CACUL1: variants seen among roughly 807,000 people sequenced by gnomAD.
CACUL1 encodes the protein CDK2-associated and cullin domain-containing protein 1.
Under a neutral mutation model 45.2 loss-of-function variants are expected in CACUL1, and 13 were observed. That is an observed-to-expected ratio of 0.29 (90% CI 0.19 to 0.46). The LOEUF is 0.46. CACUL1 is among the 20% of genes least tolerant of loss of function. The pLI is 1.00. For missense variants in CACUL1, 421 were observed against 471.4 expected, an observed-to-expected ratio of 0.89 and a Z score of 0.99; for synonymous variants, 197 against 174.2, an observed-to-expected ratio of 1.13 and a Z score of -1.03.
chr10:118,723,811 T>C (rs1845624572), intron 3 of CACUL1, among the ~76,000 whole-genome samples: 1 of 152,148 alleles, frequency 6.6e-6, no homozygotes, highest in Admixed American at 6.6e-5. Context: ...AATCTCGCTC[T>C]GTCGCTCAGG....
chr10:118,749,134 CT>C (rs1488225689), intron 1 of CACUL1, among the ~76,000 whole-genome samples: 1 of 152,120 alleles, frequency 6.6e-6, no homozygotes, highest in Non-Finnish European at 1.5e-5. Flanking sequence ...AATATAATTA[CT>C]GAAAAAAATG....
chr10:118,707,637 C>A, intron 3 of CACUL1, 50 bp from the exon 4 acceptor site: 3 of 807,930 alleles, frequency 3.7e-6, no homozygotes, highest in South Asian at 1.6e-5. Flanking sequence ...AGGGAAAGAC[C>A]TTCCACCATA....
chr10:118,728,757 G>C (rs543184698), intron 3 of CACUL1, among the ~76,000 whole-genome samples: 10 of 152,244 alleles, frequency 6.6e-5, no homozygotes, highest in African/African-American at 2.2e-4. Flanking sequence ...TTACTGAAGT[G>C]GGCAGGGGGA....
chr10:118,754,172 C>T (rs893235627), intron 1 of CACUL1, among the ~76,000 whole-genome samples: 3 of 151,992 alleles, frequency 2.0e-5, no homozygotes, highest in African/African-American at 7.3e-5. Flanking sequence ...CTCTCTAGGC[C>T]AGGTAATACA....
At chr10:118,718,730 C>T (rs918941654) in intron 3 of CACUL1, among the ~76,000 whole-genome samples, 1 of 152,132 alleles carries the variant, frequency 6.6e-6, no homozygotes, top group Non-Finnish European at 1.5e-5. Flanking sequence ...CCCGCCACCA[C>T]GCCCGGCTAA....
intron 1 of CACUL1, among the ~76,000 whole-genome samples, chr10:118,743,248 A>G (rs11198586): frequency 0.036 from 5,498 of 152,250 alleles, 148 homozygotes; most frequent in African/African-American, 0.066. Context: ...ATGGTACAAT[A>G]ACAAGTGTTA....
Position 118,679,815 on chromosome 10 carries a change from G to A in CACUL1, c.*6313C>T, listed in dbSNP as rs1845136096. ...ATTACAGGCGTGAGCCACCATGCTC[G>A]GCCCTAATTTAAAAAATTTTTTTGT... is the stretch of plus-strand genomic sequence containing the variant. On this transcript the variant is annotated 3_prime_UTR_variant, in exon 9 of 9. Transcript: ENST00000369151. 1 of 151,838 alleles carries A rather than the reference G, an allele frequency of 6.6e-6. No homozygotes were observed. 9.4% of individuals were successfully genotyped at this position (151,838 alleles called of 1,614,324 possible). A position where few individuals can be genotyped will look rare whatever the true frequency, so the allele number is the denominator to read the frequency against.
At chr10:118,732,007 A>G (rs1845701743) in intron 1 of CACUL1, among the ~76,000 whole-genome samples, 1 of 152,202 alleles carries the variant, frequency 6.6e-6, no homozygotes, top group Non-Finnish European at 1.5e-5. Context: ...GCGCAAACAT[A>G]ACAGTAGGAA....
chr10:118,720,825 T>C (rs1845593050), intron 3 of CACUL1, among the ~76,000 whole-genome samples: 1 of 152,246 alleles, frequency 6.6e-6, no homozygotes, highest in Non-Finnish European at 1.5e-5. Flanking sequence ...ATGGTCTGAA[T>C]GAGAGCCTAT....
At chr10:118,708,591 C>T (rs1845454977) in intron 3 of CACUL1, among the ~76,000 whole-genome samples, 1 of 152,054 alleles carries the variant, frequency 6.6e-6, no homozygotes, top group Admixed American at 6.5e-5. Context: ...TCGAAAATTC[C>T]TATGTTGAAG....
At chr10:118,751,445 A>T (rs1379564793) in intron 1 of CACUL1, among the ~76,000 whole-genome samples, 2 of 151,918 alleles carry the variant, frequency 1.3e-5, no homozygotes, top group Admixed American at 1.3e-4. Context: ...ATAGTGAGTC[A>T]CTCTCCCTAA....
chr10:118,729,548 T>C (rs1161502365), intron 2 of CACUL1, 151 bp from the exon 3 acceptor site: 2 of 621,086 alleles, frequency 3.2e-6, no homozygotes, highest in African/African-American at 1.8e-5. Context: ...ATAAAAACTT[T>C]ATCCTCCCCC....
chr10:118,694,457 T>C (rs1017798796), intron 6 of CACUL1, among the ~76,000 whole-genome samples: 1 of 152,258 alleles, frequency 6.6e-6, no homozygotes, highest in Non-Finnish European at 1.5e-5. Flanking sequence ...CTTGTATTTA[T>C]AGATTGTAGA....
At position 118,691,098 on chromosome 10, in the gene CACUL1, C is replaced by G. The variant is rs189458359; in HGVS notation, c.1025+167G>C. ...AGAGCAGCTTCCACAAAATCAAAAC[C>G]TAGCTTCAACATTTCTACAGACAAG... On this transcript the variant is annotated intron_variant, in intron 7 of 8. Coordinates refer to ENST00000369151, the MANE Select transcript of CACUL1 (RefSeq NM_153810.5). 2.6e-5 allele frequency among the ~76,000 whole-genome samples: 4 copies of G among 152,268 alleles called. No homozygotes were observed. The East Asian group carries it at 7.7e-4, about 29-fold the overall frequency.
At chr10:118,720,332 A>AG (rs1466860171) in intron 3 of CACUL1, among the ~76,000 whole-genome samples, 1 of 152,182 alleles carries the variant, frequency 6.6e-6, no homozygotes, top group African/African-American at 2.4e-5. Context: ...CAGATACCCT[A>AG]GGCTGACTTC....
At chr10:118,730,534 A>G in intron 1 of CACUL1, 124 bp from the exon 2 acceptor site, 1 of 897,346 alleles carries the variant, frequency 1.1e-6, no homozygotes, top group Non-Finnish European at 1.7e-6. Context: ...ACACTCTATC[A>G]CCTAACTATC....
At chr10:118,743,408 A>G (rs1310810079) in intron 1 of CACUL1, among the ~76,000 whole-genome samples, 1 of 152,196 alleles carries the variant, frequency 6.6e-6, no homozygotes, top group Non-Finnish European at 1.5e-5. Flanking sequence ...AAAAATTTTA[A>G]AAGTACCCAG....
intron 3 of CACUL1, among the ~76,000 whole-genome samples, chr10:118,709,802 T>TTA (rs998401195): frequency 6.6e-6 from 1 of 152,234 alleles, no homozygotes; most frequent in Non-Finnish European, 1.5e-5. Context: ...ACTTAGAAGC[T>TTA]TATATATATG....
At chr10:118,736,196 G>C (rs1639019541) in intron 1 of CACUL1, among the ~76,000 whole-genome samples, 1 of 152,128 alleles carries the variant, frequency 6.6e-6, no homozygotes, top group Admixed American at 6.5e-5. Context: ...GAAAGTATAA[G>C]AAGTAAAAGC....
Sources: allele counts gnomAD v4.1 joint callset (sites outside exome capture counted in the v4.1 genomes callset), GRCh38; gene constraint gnomAD v4.1.1; transcripts MANE v1.5; gene names NCBI Gene and HGNC (gene_info 2026-07-23, HGNC 2026-07-21).